The following ZNF732 variants were observed in gnomAD, a reference collection of about 807,000 sequenced individuals.
The protein encoded by ZNF732 is zinc finger protein 732, also known as zinc finger protein LOC654254.
ZNF732 carries 12 observed loss-of-function variants against 11.5 expected under a neutral mutation model. The observed-to-expected ratio is 1.05, with a 90% CI of 0.67 to 1.70. The LOEUF (loss-of-function observed/expected upper bound fraction) is 1.70. Among genes scored for constraint, ZNF732 ranks in the 40% most tolerant of loss-of-function variants. The pLI, the probability that ZNF732 is intolerant of heterozygous loss-of-function variation, is 0.00. For synonymous variants in ZNF732, 231 were observed against 236.5 expected, an observed-to-expected ratio of 0.98 and a Z score of 0.21; for missense variants, 702 against 676.9, an observed-to-expected ratio of 1.04 and a Z score of -0.41.
At chr4:283,550 A>T (rs1422083303) in intron 3 of ZNF732, among the ~76,000 whole-genome samples, 1 of 152,026 alleles carries the variant, frequency 6.6e-6, no homozygotes, top group Non-Finnish European at 1.5e-5. Context: ...ATAAGAGGCT[A>T]ATCTGTCAAA....
chr4:304,527 C>G (rs965410983), intron 1 of ZNF732, among the ~76,000 whole-genome samples: 6 of 152,046 alleles, frequency 3.9e-5, no homozygotes, highest in Middle Eastern at 6.8e-3. Flanking sequence ...CACCCAGAGT[C>G]AGCGAAGACC....
rs148722177 is a variant in ZNF732, at chr4:288,644, G to C, written c.226+6794C>G. On this transcript the variant is annotated intron_variant, in intron 3 of 3. Transcript: ENST00000419098. ...TCACTGTTTTTATTTATGTAGCTTT[G>C]TATTCTGTTCTAAAAACAAGAAGTG... is the stretch of plus-strand genomic sequence containing the variant. Among the ~76,000 whole-genome samples, 753 of 152,242 alleles carry C rather than the reference G, an allele frequency of 4.9e-3. 2 individuals are homozygous for C. The highest frequency in any genetic ancestry group is 7.5e-3 in the Non-Finnish European group (513 of 68,006).
chr4:289,167 T>G (rs1553841025), intron 3 of ZNF732, among the ~76,000 whole-genome samples: 1 of 152,230 alleles, frequency 6.6e-6, no homozygotes, highest in East Asian at 1.9e-4. Flanking sequence ...GAGATCTCTT[T>G]AGTTATTAAA....
intron 1 of ZNF732, among the ~76,000 whole-genome samples, chr4:301,446 T>C (rs1217439073): frequency 1.3e-5 from 2 of 152,126 alleles, no homozygotes; most frequent in African/African-American, 4.8e-5. Flanking sequence ...CTATTCACAA[T>C]AGCAAAGACT....
In ZNF732 at chr4:271,484, G is replaced by A; in HGVS notation, c.1373C>T (p.Ser458Phe). Residue 458 changes from serine (S) to phenylalanine (F), a missense_variant, in exon 4 of 4, where the codon TCT becomes TTT. Coordinates refer to ENST00000419098, the MANE Select transcript of ZNF732 (RefSeq NM_001137608.3). ...CEECGKAFGW[S>F]AYLSKHKKIH... ...TTTCTTATGTTTACTCAGGTATGCAGACCATCCAAAGGCTTTGCCACACTC... is the reference window on the plus strand; with the variant it reads ...TTTCTTATGTTTACTCAGGTATGCAAACCATCCAAAGGCTTTGCCACACTC... The A allele has an allele frequency of 6.2e-7, 1 of 1,610,370 alleles. No individual in the cohort carries two copies. Among genetic ancestry groups the A allele is most frequent in the Non-Finnish European group, 8.5e-7 (1 of 1,178,200 alleles).
chr4:273,283 A>C (rs1204530964), intron 3 of ZNF732, among the ~76,000 whole-genome samples: 1 of 152,072 alleles, frequency 6.6e-6, no homozygotes, highest in African/African-American at 2.4e-5. Context: ...GGTTACTATA[A>C]TCCGTATCAA....
Position 272,193 on chromosome 4 carries a change from G to A in ZNF732, c.664C>T (p.Pro222Ser), listed in dbSNP as rs1553837816. 1 of 1,613,164 alleles carries A rather than the reference G, an allele frequency of 6.2e-7. No individual in the cohort carries two copies. Among genetic ancestry groups the A allele is most frequent in the Admixed American group, 1.7e-5 (1 of 59,932 alleles). Residue 222 changes from proline (P) to serine (S), a missense_variant, in exon 4 of 4, where the codon CCC becomes TCC. This residue lies in a region of ZNF732 where 596 missense variants were observed against 557.9 expected (regional missense o/e 1.07). Coordinates refer to ENST00000419098, the MANE Select transcript of ZNF732 (RefSeq NM_001137608.3). ...EYEIIHTGEKPFTCEECGNIF... is the reference protein window; with the variant it reads ...EYEIIHTGEKSFTCEECGNIF... ...TTGCCACATTCTTCACATGTGAAGG[G>A]TTTCTCTCCAGTATGAATTATCTCA...
chr4:292,610 T>C (rs572745153), intron 3 of ZNF732, among the ~76,000 whole-genome samples: 29 of 149,430 alleles, frequency 1.9e-4, no homozygotes, highest in African/African-American at 5.7e-4. Context: ...AAGAAACTTA[T>C]ACAATTCAAA....
In ZNF732 at chr4:271,208, G is replaced by C. The variant is rs781999604; in HGVS notation, c.1649C>G (p.Thr550Arg). The change falls in exon 4 of 4, where the codon ACA (threonine) becomes AGA (arginine). Residue 550 changes from threonine (T) to arginine (R), a missense_variant. By Grantham distance (71) the Thr-to-Arg change is moderately conservative. Coordinates refer to ENST00000419098, the MANE Select transcript of ZNF732 (RefSeq NM_001137608.3). ...RRSRVLNKYK[T>R]IHTGDKTPKC... ...GGGGGTTTTATCTCCAGTATGAATT[G>C]TCTTATATTTATTCAGGACTCTGGA... 1.3e-6 allele frequency: 2 copies of C among 1,555,522 alleles called. No homozygotes were observed. Among genetic ancestry groups the C allele is most frequent in the South Asian group, 1.2e-5 (1 of 84,688 alleles).
chr4:271,448 C>G lies in ZNF732; in HGVS notation c.1409G>C (p.Gly470Ala). 6.2e-7 allele frequency: 1 copy of G among 1,605,780 alleles called. No individual in the cohort carries two copies. Among genetic ancestry groups the G allele is most frequent in the Non-Finnish European group, 8.5e-7 (1 of 1,175,902 alleles). ...YLSKHKKIHTGEKPYRCEECG... is the reference protein window; with the variant it reads ...YLSKHKKIHTAEKPYRCEECG... ...CTCTTCACATCTATAAGGTTTCTCT[C>G]CAGTATGAATTTTCTTATGTTTACT... The change falls in exon 4 of 4, where the codon GGA becomes GCA. Residue 470 changes from glycine to alanine, a missense_variant. This residue lies in a region of ZNF732 where 596 missense variants were observed against 557.9 expected (regional missense o/e 1.07). Coordinates refer to ENST00000419098, the MANE Select transcript of ZNF732 (RefSeq NM_001137608.3).
At chr4:305,145 G>A (rs1238533904) in intron 1 of ZNF732, among the ~76,000 whole-genome samples, 163 bp downstream of exon 1, 1 of 152,268 alleles carries the variant, frequency 6.6e-6, no homozygotes, top group Non-Finnish European at 1.5e-5. Flanking sequence ...GCCGCCTTGC[G>A]GGGACCGACA....
At chr4:285,749 T>G (rs570178387) in intron 3 of ZNF732, among the ~76,000 whole-genome samples, 12 of 152,316 alleles carry the variant, frequency 7.9e-5, no homozygotes, top group African/African-American at 2.9e-4. Context: ...GATACCTTTA[T>G]GTGTTTTTGA....
rs782455270 is a variant in ZNF732 at position 296,106 on chromosome 4, C to A, written c.53G>T (p.Trp18Leu). Residue 18 changes from tryptophan to leucine, a missense_variant, in exon 2 of 4, where the codon TGG becomes TTG. Trp to Leu is a moderately conservative substitution (Grantham distance 61). This residue lies in a region of ZNF732 where 596 missense variants were observed against 557.9 expected (regional missense o/e 1.07). Coordinates refer to ENST00000419098, the MANE Select transcript of ZNF732 (RefSeq NM_001137608.3). ...DVAIEFSPEE[W>L]KCLDPAQQNL... ...CTGCTGGGCAGGGTCCAGGCATTTCCACTCTTCTGGAGAGAATTCTATGGC... is the reference window on the plus strand; with the variant it reads ...CTGCTGGGCAGGGTCCAGGCATTTCAACTCTTCTGGAGAGAATTCTATGGC... 6.2e-7 allele frequency: 1 copy of A among 1,613,764 alleles called. No individual in the cohort carries two copies. Among genetic ancestry groups the A allele is most frequent in the Non-Finnish European group, 8.5e-7 (1 of 1,179,916 alleles).
intron 3 of ZNF732, among the ~76,000 whole-genome samples, chr4:293,531 G>T (rs1186312565): frequency 6.6e-6 from 1 of 151,964 alleles, no homozygotes; most frequent in Admixed American, 6.6e-5. Context: ...GTGCCTAAGG[G>T]TGGGACCATG....
intron 3 of ZNF732, among the ~76,000 whole-genome samples, chr4:286,125 T>C (rs1227716357): frequency 1.3e-5 from 2 of 152,248 alleles, no homozygotes; most frequent in African/African-American, 4.8e-5. Flanking sequence ...TTGCAGCAGC[T>C]ATGCATATTT....
At chr4:276,055 A>G (rs782549641) in intron 3 of ZNF732, among the ~76,000 whole-genome samples, 6 of 151,792 alleles carry the variant, frequency 4.0e-5, no homozygotes, top group Non-Finnish European at 8.9e-5. Flanking sequence ...ACAATATATA[A>G]AAGAGATGGA....
At chr4:292,890 CAA>C (rs34118991) in intron 3 of ZNF732, among the ~76,000 whole-genome samples, 59 of 79,484 alleles carry the variant, frequency 7.4e-4, no homozygotes, top group South Asian at 1.8e-3. Flanking sequence ...ACTAAAAACA[CAA>C]AAAAAAAAAA....
intron 1 of ZNF732, among the ~76,000 whole-genome samples, chr4:299,437 ATATATATATATATACACATATGTG>A (rs1209057938): frequency 0.042 from 504 of 11,888 alleles, 31 homozygotes; most frequent in Admixed American, 0.065. Flanking sequence ...ACATATGTGT[ATATATATATATATACACATATGTG>A]TATATATATA....
intron 3 of ZNF732, among the ~76,000 whole-genome samples, chr4:285,846 T>TCC (rs1266250969): frequency 1.3e-5 from 2 of 152,204 alleles, no homozygotes; most frequent in African/African-American, 4.8e-5. Flanking sequence ...GTTCAAGCGA[T>TCC]CCTTCTGCCT....
Sources: allele counts gnomAD v4.1 joint callset (sites outside exome capture counted in the v4.1 genomes callset), GRCh38; gene constraint gnomAD v4.1.1; regional missense constraint gnomAD v4.1.1; transcripts MANE v1.5; gene names NCBI Gene and HGNC (gene_info 2026-07-23, HGNC 2026-07-21).